TTC28: variants seen among roughly 807,000 people sequenced by gnomAD.
The protein encoded by TTC28 is tetratricopeptide repeat domain 28, also known as tetratricopeptide repeat protein 28.
A neutral mutation model predicts 198.0 loss-of-function variants in TTC28; 61 were observed. The ratio of observed to expected loss-of-function variants is 0.31; its 90% CI spans 0.25 to 0.38. TTC28 has a LOEUF of 0.38. TTC28 is among the 10% of genes least tolerant of loss of function. TTC28 has a pLI of 1.00. For missense variants in TTC28, 2,678 were observed against 3,164.0 expected, an observed-to-expected ratio of 0.85 and a Z score of 3.69; for synonymous variants, 1,171 against 1,297.8, an observed-to-expected ratio of 0.90 and a Z score of 2.10.
At chr22:28,016,079 G>C (rs1259885076) in intron 13 of TTC28, among the ~76,000 whole-genome samples, 2 of 152,134 alleles carry the variant, frequency 1.3e-5, no homozygotes, top group Non-Finnish European at 2.9e-5. Flanking sequence ...GCCAAGCCAA[G>C]CTCTCAGCAC....
chr22:28,028,859 G>T (rs754292206), intron 13 of TTC28: 4 of 386,274 alleles, frequency 1.0e-5, no homozygotes, highest in Non-Finnish European at 2.1e-5. Context: ...CAGGAACCCT[G>T]CAGGGTAAGA....
chr22:28,238,604 T>C (rs1372682347), intron 5 of TTC28, among the ~76,000 whole-genome samples: 2 of 152,234 alleles, frequency 1.3e-5, no homozygotes, highest in African/African-American at 2.4e-5. Context: ...GAGTTGAGCA[T>C]AGCCTTTACC....
rs1409625873 is a variant in TTC28 at position 28,371,598 on chromosome 22, A to ATTTTTTTTTTTTTTTTTTTTTTTTTTT, written c.382-64956_382-64955insAAAAAAAAAAAAAAAAAAAAAAAAAAA. On this transcript the variant is annotated intron_variant, in intron 2 of 22. Transcript: ENST00000397906. The stretch of plus-strand genomic sequence containing the variant: ...ATCTTAACCAAAAAAAAAAAAAAAA[A>ATTTTTTTTTTTTTTTTTTTTTTTTTTT]TTTTTTTTTTTTTTGAGACAGAGTC... Among the ~76,000 whole-genome samples the ATTTTTTTTTTTTTTTTTTTTTTTTTTT allele has an allele frequency of 6.0e-3, 167 of 27,760 alleles. 64 individuals are homozygous for ATTTTTTTTTTTTTTTTTTTTTTTTTTT. Among genetic ancestry groups the ATTTTTTTTTTTTTTTTTTTTTTTTTTT allele is most frequent in the South Asian group, 7.7e-3 (2 of 260 alleles). 18.2% of individuals were successfully genotyped at this position (27,760 alleles called of 152,430 possible). A position where few individuals can be genotyped will look rare whatever the true frequency, so the allele number is the denominator to read the frequency against.
chr22:28,433,866 T>G (rs764339412), intron 2 of TTC28, among the ~76,000 whole-genome samples: 21 of 152,230 alleles, frequency 1.4e-4, no homozygotes, highest in Non-Finnish European at 2.6e-4. Flanking sequence ...GAAACTATAG[T>G]GGCATTTAGC....
intron 2 of TTC28, among the ~76,000 whole-genome samples, chr22:28,496,262 G>A (rs2146355426): frequency 6.6e-6 from 1 of 151,846 alleles, no homozygotes. Context: ...CGTATCTCTG[G>A]CACTGTCATC....
chr22:28,596,939 T>C (rs1448466035), intron 2 of TTC28, among the ~76,000 whole-genome samples: 2 of 152,164 alleles, frequency 1.3e-5, no homozygotes, highest in East Asian at 3.8e-4. Context: ...TCTCACCATA[T>C]TAACTGAACA....
chr22:28,035,765 T>A (rs1314383106), intron 12 of TTC28, among the ~76,000 whole-genome samples: 1 of 152,232 alleles, frequency 6.6e-6, no homozygotes, highest in Admixed American at 6.5e-5. Context: ...GTCTATTTTT[T>A]CTTACTGACA....
Position 27,999,134 on chromosome 22 carries a change from C to G in TTC28, c.4525G>C (p.Glu1509Gln). 6.4e-7 allele frequency: 1 copy of G among 1,550,546 alleles called. No homozygotes were observed. ...AGCTCGGACACCATGTAGGCCTCTT[C>G]CTCGGCCGATGGCATGGGCCCCCAC... ...WLWGPMPSAE[E>Q]EAYMVSELLG... Residue 1509 changes from glutamate (E) to glutamine (Q), a missense_variant, in exon 16 of 23, where the codon GAA becomes CAA. Coordinates refer to ENST00000397906, the MANE Select transcript of TTC28 (RefSeq NM_001145418.2).
At chr22:28,328,329 C>G (rs915847037) in intron 2 of TTC28, among the ~76,000 whole-genome samples, 2 of 152,022 alleles carry the variant, frequency 1.3e-5, no homozygotes, top group Non-Finnish European at 2.9e-5. Flanking sequence ...GTAGTCCTAT[C>G]TACTCTGGAG....
chr22:28,163,620 T>G (rs1921505178), intron 5 of TTC28, 21 bp from the exon 6 acceptor site: 2 of 1,495,136 alleles, frequency 1.3e-6, no homozygotes, highest in Non-Finnish European at 1.8e-6. Flanking sequence ...AAGGATAAAG[T>G]GGAGAAATGA....
chr22:27,981,262 TTTTTTGC>T lies in TTC28; in HGVS notation c.*952_*958del, dbSNP rs1937009792. 1 of 136,248 alleles carries T rather than the reference TTTTTTGC, an allele frequency of 7.3e-6. No individual in the cohort carries two copies. The highest frequency in any genetic ancestry group is 2.8e-5 in the African/African-American group (1 of 36,276). 8.4% of individuals were successfully genotyped at this position (136,248 alleles called of 1,614,324 possible). A position where few individuals can be genotyped will look rare whatever the true frequency, so the allele number is the denominator to read the frequency against. ...TTTTTTTTTTTTTTTTTTTTTTTTT[TTTTTTGC>T]TTATAAGGAAACGGAGTCATTTCAA... On this transcript the variant is annotated 3_prime_UTR_variant, in exon 23 of 23. Transcript: ENST00000397906.
In TTC28 at chr22:28,163,238, A is replaced by G; in HGVS notation, c.1295T>C (p.Ile432Thr). 6.4e-7 allele frequency: 1 copy of G among 1,551,780 alleles called. No individual in the cohort carries two copies. The highest frequency in any genetic ancestry group is 8.7e-7 in the Non-Finnish European group (1 of 1,147,032). ...ELAQELMEKA[I>T]EMRAYAGLGH... Reference sequence around the variant, plus strand: ...TAGTCCAGCATAGGCCCGCATCTCAATAGCCTTCTCCATCAACTCCTGTGC... The same window carrying G: ...TAGTCCAGCATAGGCCCGCATCTCAGTAGCCTTCTCCATCAACTCCTGTGC... The change falls in exon 6 of 23, where the codon ATT becomes ACT. Residue 432 changes from isoleucine to threonine, a missense_variant. Around this residue, in one of 8 missense-constraint regions of TTC28, gnomAD observed 775 missense variants for 845.9 expected, o/e 0.92. Transcript: ENST00000397906.
At chr22:28,409,097 G>T (rs1384681571) in intron 2 of TTC28, among the ~76,000 whole-genome samples, 1 of 152,100 alleles carries the variant, frequency 6.6e-6, no homozygotes, top group Admixed American at 6.5e-5. Flanking sequence ...CAAAATGTGG[G>T]AGTTTCACTC....
rs562178169 is a variant in TTC28 at position 28,548,266 on chromosome 22, C to G, written c.381+81286G>C. Among the ~76,000 whole-genome samples the G allele has an allele frequency of 1.0e-3, 152 of 152,214 alleles. 4 individuals carry two copies. The South Asian group carries it at 0.029, about 29-fold the overall frequency. On this transcript the variant is annotated intron_variant, in intron 2 of 22. Coordinates refer to ENST00000397906, the MANE Select transcript of TTC28 (RefSeq NM_001145418.2). ...CATTTATAGCAGGCTGAGCATGAAC[C>G]CTTCTCTAAAAATATATGTTTTAAC...
chr22:28,026,807 G>T (rs761571560), intron 13 of TTC28, among the ~76,000 whole-genome samples: 2 of 152,230 alleles, frequency 1.3e-5, no homozygotes, highest in Non-Finnish European at 2.9e-5. Flanking sequence ...TGGACAATAA[G>T]AAAGTCCCTC....
chr22:28,613,920 C>G (rs2050860126), intron 2 of TTC28, among the ~76,000 whole-genome samples: 1 of 152,142 alleles, frequency 6.6e-6, no homozygotes, highest in Admixed American at 6.6e-5. Context: ...TCCTATTCAA[C>G]ACAGTATTGG....
At chr22:28,307,334 G>T (rs754256157) in intron 2 of TTC28, among the ~76,000 whole-genome samples, 1 of 152,106 alleles carries the variant, frequency 6.6e-6, no homozygotes, top group Non-Finnish European at 1.5e-5. Flanking sequence ...AAAGACCAGA[G>T]AATTAGTAAG....
chr22:27,983,387 T>C lies in TTC28; in HGVS notation c.6280A>G (p.Arg2094Gly), dbSNP rs1937090558. ...QPQPGTAGGM[R>G]VSVSSKGSIS... Reference sequence around the variant, plus strand: ...CTCCCTTTGGAGCTCACCGAGACTCTCATGCCTCCGGCTGTCCCAGGTTGG... The same window carrying C: ...CTCCCTTTGGAGCTCACCGAGACTCCCATGCCTCCGGCTGTCCCAGGTTGG... The change falls in exon 23 of 23, where the codon AGA (arginine) becomes GGA (glycine). Residue 2094 changes from arginine (R) to glycine (G), a missense_variant. Coordinates refer to ENST00000397906, the MANE Select transcript of TTC28 (RefSeq NM_001145418.2). 1 of 1,551,358 alleles carries C rather than the reference T, an allele frequency of 6.4e-7. No individual in the cohort carries two copies. The highest frequency in any genetic ancestry group is 8.7e-7 in the Non-Finnish European group (1 of 1,147,048).
At chr22:28,333,899 G>A (rs1035446956) in intron 2 of TTC28, among the ~76,000 whole-genome samples, 11 of 151,346 alleles carry the variant, frequency 7.3e-5, no homozygotes, top group Admixed American at 5.9e-4. Flanking sequence ...TGTCCATAAC[G>A]TGCAGGTTTG....
Sources: allele counts gnomAD v4.1 joint callset (sites outside exome capture counted in the v4.1 genomes callset), GRCh38; gene constraint gnomAD v4.1.1; regional missense constraint gnomAD v4.1.1; transcripts MANE v1.5; gene names NCBI Gene and HGNC (gene_info 2026-07-23, HGNC 2026-07-21).